COG5: variants seen among roughly 807,000 people sequenced by gnomAD.
The protein encoded by COG5 is component of oligomeric golgi complex 5.
In COG5, 86 loss-of-function variants were observed where a neutral mutation model predicts 110.4. The ratio of observed to expected loss-of-function variants is 0.78; its 90% CI spans 0.65 to 0.93. The LOEUF is 0.93. Among genes scored for constraint, COG5 ranks in the 40% least tolerant of loss-of-function variants. COG5 has a pLI of 0.00. For missense variants in COG5, 1,077 were observed against 987.0 expected (o/e 1.09, Z -1.22); for synonymous variants, 360 against 334.6 (o/e 1.08, Z -0.83).
chr7:107,410,307 A>G (rs755336326), intron 7 of COG5, among the ~76,000 whole-genome samples: 1 of 152,242 alleles, frequency 6.6e-6, no homozygotes, highest in Non-Finnish European at 1.5e-5. Flanking sequence ...ATAGTTGAAG[A>G]GACACATCTT....
intron 13 of COG5, among the ~76,000 whole-genome samples, 197 bp from the exon 14 acceptor site, chr7:107,281,596 T>G (rs1805171416): frequency 6.6e-6 from 1 of 152,168 alleles, no homozygotes; most frequent in Non-Finnish European, 1.5e-5. Context: ...GATGGCTTCC[T>G]TAATGACCAG....
At chr7:107,349,444 G>T (rs1411401144) in intron 10 of COG5, among the ~76,000 whole-genome samples, 2 of 152,096 alleles carry the variant, frequency 1.3e-5, no homozygotes, top group Admixed American at 1.3e-4. Context: ...TGTCGCCCAG[G>T]CTGGAGTGCA....
At chr7:107,268,204 G>A (rs1275837062) in intron 14 of COG5, among the ~76,000 whole-genome samples, 1 of 152,268 alleles carries the variant, frequency 6.6e-6, no homozygotes, top group Non-Finnish European at 1.5e-5. Context: ...CCGAACTCAG[G>A]TGATCCGCCT....
rs1169669994 is a variant in COG5, at chr7:107,353,424, C to CAAA, written c.1026+8606_1026+8608dup. ...TGGGCGACAGAGCGAGACTCCGTCT[C>CAAA]AAAAAAAAAAAAAAAAAAAGAAAAC... On this transcript the variant is annotated intron_variant, in intron 10 of 21. Transcript: ENST00000297135. Among the ~76,000 whole-genome samples, 30 of 84,058 alleles carry CAAA rather than the reference C, an allele frequency of 3.6e-4. 1 individual carries two copies. The highest frequency in any genetic ancestry group is 1.2e-3 in the African/African-American group (28 of 23,714). 55.1% of individuals were successfully genotyped at this position (84,058 alleles called of 152,430 possible). A position where few individuals can be genotyped will look rare whatever the true frequency, so the allele number is the denominator to read the frequency against.
Position 107,550,568 on chromosome 7 carries a change from TCTC to T in COG5, c.293-2239_293-2237del, listed in dbSNP as rs1802812029. Among the ~76,000 whole-genome samples the T allele has an allele frequency of 2.0e-5, 3 of 152,290 alleles. No individual in the cohort carries two copies. In the South Asian group the frequency reaches 6.2e-4, roughly 32 times the overall value. On this transcript the variant is annotated intron_variant, in intron 3 of 21. Transcript: ENST00000297135. ...TGCTTTCCCATTTATTGTTCAGTCT[TCTC>T]CTCAAATCTTCACATGATGGCTCCT...
At chr7:107,533,834 CAAG>C (rs1801384386) in intron 5 of COG5, among the ~76,000 whole-genome samples, 1 of 151,402 alleles carries the variant, frequency 6.6e-6, no homozygotes, top group African/African-American at 2.5e-5. Flanking sequence ...AGATACTCCT[CAAG>C]AAGAACAACC....
At chr7:107,446,141 A>G (rs1278249091) in intron 6 of COG5, among the ~76,000 whole-genome samples, 2 of 152,250 alleles carry the variant, frequency 1.3e-5, no homozygotes, top group African/African-American at 4.8e-5. Context: ...ATAGTCTTCT[A>G]TATTCAACCA....
chr7:107,516,278 G>C (rs929045926), intron 6 of COG5, among the ~76,000 whole-genome samples: 1 of 152,164 alleles, frequency 6.6e-6, no homozygotes, highest in Non-Finnish European at 1.5e-5. Flanking sequence ...CTTGGGTGAA[G>C]TGTCTGTTCA....
chr7:107,297,252 C>CTAATATAGTATAT (rs1207310990), intron 12 of COG5, among the ~76,000 whole-genome samples: 4 of 152,072 alleles, frequency 2.6e-5, no homozygotes, highest in African/African-American at 7.2e-5. Flanking sequence ...TTTTTCTTAT[C>CTAATATAGTATAT]ATTCTCTAAG....
chr7:107,415,025 C>T (rs1448095222), intron 6 of COG5, among the ~76,000 whole-genome samples: 1 of 151,758 alleles, frequency 6.6e-6, no homozygotes, highest in Non-Finnish European at 1.5e-5. Flanking sequence ...CATGCCCGGC[C>T]CACTGTCCCT....
chr7:107,555,790 T>C (rs12535038), intron 2 of COG5, among the ~76,000 whole-genome samples: 19,661 of 151,922 alleles, frequency 0.13, 1,516 homozygotes, highest in Non-Finnish European at 0.17. Context: ...GGTGGGTGGA[T>C]CATTTGAGGT....
intron 11 of COG5, among the ~76,000 whole-genome samples, chr7:107,298,878 A>G (rs1584642238): frequency 6.6e-6 from 1 of 152,326 alleles, no homozygotes; most frequent in Non-Finnish European, 1.5e-5. Flanking sequence ...ATCAGTAACA[A>G]AAAGATACCT....
At chr7:107,438,078 C>T (rs1190132553) in intron 6 of COG5, among the ~76,000 whole-genome samples, 3 of 152,154 alleles carry the variant, frequency 2.0e-5, no homozygotes, top group African/African-American at 7.2e-5. Flanking sequence ...AGCAATCTTA[C>T]TGAGGCCCTA....
At chr7:107,458,341 TA>T (rs1400701391) in intron 6 of COG5, among the ~76,000 whole-genome samples, 1 of 152,058 alleles carries the variant, frequency 6.6e-6, no homozygotes, top group Non-Finnish European at 1.5e-5. Context: ...ATAAACTTCT[TA>T]AAAAACTGAA....
intron 6 of COG5, among the ~76,000 whole-genome samples, chr7:107,464,555 A>G (rs1368934974): frequency 3.3e-5 from 5 of 152,114 alleles, no homozygotes. Context: ...ACCAGCCCAT[A>G]AGAGCCCTGT....
intron 7 of COG5, among the ~76,000 whole-genome samples, chr7:107,379,580 T>C (rs369327822): frequency 7.7e-6 from 1 of 129,750 alleles, no homozygotes; most frequent in East Asian, 2.5e-4. Flanking sequence ...CAGGAATATT[T>C]ACCAAGCAAA....
chr7:107,378,020 C>T (rs1468510728), intron 7 of COG5, among the ~76,000 whole-genome samples: 2 of 152,206 alleles, frequency 1.3e-5, no homozygotes, highest in African/African-American at 2.4e-5. Context: ...TACAGGAGAA[C>T]TCCAGTTGGC....
chr7:107,374,501 G>A lies in COG5; in HGVS notation c.670-1741C>T, dbSNP rs1029404037. The stretch of plus-strand genomic sequence containing the variant: ...TTTCAGTGTTATCAGCTGAATGTAC[G>A]CTGTAAGATTTATGCATACAACAAC... On this transcript the variant is annotated intron_variant, in intron 7 of 21. Coordinates refer to ENST00000297135, the MANE Select transcript of COG5 (RefSeq NM_006348.5). Among the ~76,000 whole-genome samples, 5 of 151,908 alleles carry A rather than the reference G, an allele frequency of 3.3e-5. No individual in the cohort carries two copies. The South Asian group carries it at 6.2e-4, about 19-fold the overall frequency.
At chr7:107,299,485 C>T (rs939600443) in intron 11 of COG5, among the ~76,000 whole-genome samples, 4 of 151,942 alleles carry the variant, frequency 2.6e-5, no homozygotes, top group Admixed American at 2.0e-4. Flanking sequence ...ACTCAAGAAG[C>T]AATAGATAGA....
Sources: gnomAD v4.1 joint callset for allele counts (sites outside exome capture counted in the v4.1 genomes callset) on GRCh38, gnomAD v4.1.1 for gene constraint, MANE v1.5 for transcripts, NCBI Gene and HGNC (gene_info 2026-07-23, HGNC 2026-07-21) for gene names.